Variants in DNAAF4 observed in about 807,000 individuals in gnomAD.
DNAAF4 encodes the protein dynein assembly factor 4, axonemal.
DNAAF4 carries 43 observed loss-of-function variants against 51.8 expected under a neutral mutation model. The ratio of observed to expected loss-of-function variants is 0.83; its 90% CI spans 0.65 to 1.07. The LOEUF (loss-of-function observed/expected upper bound fraction) is 1.07, where lower values mean the gene tolerates loss of function less well. Ranked by LOEUF, DNAAF4 falls within the 50% of genes least tolerant of loss-of-function variation. The probability of loss-of-function intolerance (pLI) is 0.00; values close to 1 mark genes in which losing one functional copy is unlikely to be tolerated. For missense variants in DNAAF4, 581 were observed against 493.0 expected (o/e 1.18, Z -1.69); for synonymous variants, 194 against 165.6 (o/e 1.17, Z -1.32).
At chr15:55,419,533 C>T (rs1046275339) in intron 7 of DNAAF4, among the ~76,000 whole-genome samples, 1 of 152,090 alleles carries the variant, frequency 6.6e-6, no homozygotes, top group African/African-American at 2.4e-5. Context: ...CCACACTGCC[C>T]AGCCAATTTC....
chr15:55,477,632 G>A (rs1044395998), intron 4 of DNAAF4, among the ~76,000 whole-genome samples: 5 of 142,888 alleles, frequency 3.5e-5, no homozygotes, highest in Non-Finnish European at 6.0e-5. Flanking sequence ...ATATATGTAA[G>A]TATGTATGTA....
rs2057474649 is a variant in DNAAF4, at chr15:55,430,397, C to T, written c.*273G>A. 1 of 1,002,462 alleles carries T rather than the reference C, an allele frequency of 1.0e-6. No homozygotes were observed. Among genetic ancestry groups the T allele is most frequent in the Non-Finnish European group, 1.2e-6 (1 of 840,130 alleles). The allele number at this position is 1,002,462 out of a possible 1,614,324, so 62.1% of individuals were successfully genotyped here. On this transcript the variant is annotated 3_prime_UTR_variant, in exon 10 of 10. Coordinates refer to ENST00000321149, the MANE Select transcript of DNAAF4 (RefSeq NM_130810.4). Reference sequence around the variant, plus strand: ...AACTATACCAAAACATATTTTGTTACAAGGGCAAGCTTAATTCAGTAACAC... The same window carrying T: ...AACTATACCAAAACATATTTTGTTATAAGGGCAAGCTTAATTCAGTAACAC...
At chr15:55,431,232 A>G (rs1020583920) in intron 9 of DNAAF4, among the ~76,000 whole-genome samples, 1 of 151,968 alleles carries the variant, frequency 6.6e-6, no homozygotes, top group Non-Finnish European at 1.5e-5. Flanking sequence ...ATCTAAAATA[A>G]AATAAAATAA....
chr15:55,493,434 C>T (rs2058600165), intron 3 of DNAAF4, among the ~76,000 whole-genome samples: 1 of 152,184 alleles, frequency 6.6e-6, no homozygotes, highest in Non-Finnish European at 1.5e-5. Context: ...CTCTTCTCAT[C>T]TCTCCTGCTG....
At chr15:55,507,043 G>A (rs1567040092) in intron 1 of DNAAF4, among the ~76,000 whole-genome samples, 1 of 151,926 alleles carries the variant, frequency 6.6e-6, no homozygotes, top group Non-Finnish European at 1.5e-5. Flanking sequence ...TAGAGGTGGG[G>A]TTTCACCATG....
intron 4 of DNAAF4, among the ~76,000 whole-genome samples, chr15:55,476,829 G>T (rs1376459058): frequency 6.6e-6 from 1 of 152,180 alleles, no homozygotes; most frequent in Non-Finnish European, 1.5e-5. Flanking sequence ...ATAGAGAATA[G>T]AGAGTTATTG....
Position 55,439,672 on chromosome 15 carries a change from GA to G in DNAAF4, c.784-92del, listed in dbSNP as rs1411589444. On this transcript the variant is annotated intron_variant, in intron 6 of 9. Coordinates refer to ENST00000321149, the MANE Select transcript of DNAAF4 (RefSeq NM_130810.4). ...ATTTTCCATCTTCCTCCAGTGGATT[GA>G]AATATTATTTGCTATGCACTGAGTG... is the stretch of plus-strand genomic sequence containing the variant. 1.9e-5 allele frequency: 22 copies of G among 1,145,204 alleles called. 1 individual carries two copies. Among genetic ancestry groups the G allele is most frequent in the Non-Finnish European group, 2.5e-5 (20 of 803,098 alleles). The allele number at this position is 1,145,204 out of a possible 1,614,324, so 70.9% of individuals were successfully genotyped here.
intron 7 of DNAAF4, among the ~76,000 whole-genome samples, chr15:55,420,461 G>T (rs1230933214): frequency 6.6e-6 from 1 of 151,916 alleles, no homozygotes; most frequent in Non-Finnish European, 1.5e-5. Context: ...TTCAGTTCAG[G>T]ATATTACCAT....
chr15:55,420,083 A>T (rs1388237984), intron 7 of DNAAF4, among the ~76,000 whole-genome samples: 1 of 152,220 alleles, frequency 6.6e-6, no homozygotes, highest in Non-Finnish European at 1.5e-5. Context: ...AATGTAAAGT[A>T]GGCAGTATGC....
chr15:55,430,218 C>T (rs2057473140), downstream of DNAAF4: 3 of 237,622 alleles, frequency 1.3e-5, no homozygotes, highest in Non-Finnish European at 1.4e-5. Flanking sequence ...AGGTTCTGTG[C>T]AGTTGGAAAC....
chr15:55,459,237 T>C (rs2058061290), intron 5 of DNAAF4, among the ~76,000 whole-genome samples: 3 of 151,898 alleles, frequency 2.0e-5, no homozygotes, highest in Admixed American at 1.3e-4. Context: ...CCGCTAAGAG[T>C]TTTGTATCCA....
chr15:55,430,999 T>C (rs1340503148), intron 9 of DNAAF4, among the ~76,000 whole-genome samples: 1 of 152,044 alleles, frequency 6.6e-6, no homozygotes, highest in Non-Finnish European at 1.5e-5. Flanking sequence ...CTGCAAGCTC[T>C]GCCTCCTGGG....
chr15:55,443,227 A>T, intron 6 of DNAAF4: 1 of 1,608,620 alleles, frequency 6.2e-7, no homozygotes, highest in Non-Finnish European at 8.5e-7. Flanking sequence ...ATAGTCCTTA[A>T]GAATGACTTC....
Position 55,435,472 on chromosome 15 carries a change from G to A in DNAAF4, c.894-414C>T, listed in dbSNP as rs191386181. Among the ~76,000 whole-genome samples, 375 of 152,216 alleles carry A rather than the reference G, an allele frequency of 2.5e-3. 2 individuals carry two copies. Among genetic ancestry groups the A allele is most frequent in the Non-Finnish European group, 4.5e-3 (309 of 68,008 alleles). Reference sequence around the variant, plus strand: ...CACATAGCCCACATTGTTGCTGACCGTTTTTAAGACCGTGGGAAGAGCTGG... The same window carrying A: ...CACATAGCCCACATTGTTGCTGACCATTTTTAAGACCGTGGGAAGAGCTGG... On this transcript the variant is annotated intron_variant, in intron 7 of 9. Transcript: ENST00000321149.
intron 4 of DNAAF4, among the ~76,000 whole-genome samples, chr15:55,475,126 G>A (rs2058319232): frequency 6.6e-6 from 1 of 152,214 alleles, no homozygotes; most frequent in African/African-American, 2.4e-5. Flanking sequence ...GTATGTTGAT[G>A]CGCTGCAAAT....
chr15:55,463,625 C>T (rs887582786), intron 5 of DNAAF4, among the ~76,000 whole-genome samples: 1 of 152,092 alleles, frequency 6.6e-6, no homozygotes, highest in South Asian at 2.1e-4. Flanking sequence ...AAATCAGTAG[C>T]ACTACTATAC....
chr15:55,453,470 G>T (rs2057967771), intron 5 of DNAAF4, among the ~76,000 whole-genome samples: 1 of 149,274 alleles, frequency 6.7e-6, no homozygotes. Context: ...CTTAAAGCCA[G>T]TAAAGACAGG....
Position 55,430,339 on chromosome 15 carries a change from C to T in DNAAF4, c.*331G>A. ...ATAAATCTTTTATTTTAAAATTCTA[C>T]CTTGTTAAAAATTAATCAGTAAGTG... On this transcript the variant is annotated 3_prime_UTR_variant, in exon 10 of 10. Coordinates refer to ENST00000321149, the MANE Select transcript of DNAAF4 (RefSeq NM_130810.4). 1.1e-6 allele frequency: 1 copy of T among 950,262 alleles called. No individual in the cohort carries two copies. Among genetic ancestry groups the T allele is most frequent in the South Asian group, 4.8e-5 (1 of 20,644 alleles). 58.9% of individuals were successfully genotyped at this position (950,262 alleles called of 1,614,324 possible). A position where few individuals can be genotyped will look rare whatever the true frequency, so the allele number is the denominator to read the frequency against.
intron 5 of DNAAF4, among the ~76,000 whole-genome samples, chr15:55,454,473 G>A (rs2057987522): frequency 6.6e-6 from 1 of 151,744 alleles, no homozygotes; most frequent in South Asian, 2.1e-4. Context: ...TGCCTCCCGG[G>A]TTCAAGCAAT....
Sources: allele counts gnomAD v4.1 joint callset (sites outside exome capture counted in the v4.1 genomes callset), GRCh38; gene constraint gnomAD v4.1.1; transcripts MANE v1.5; gene names NCBI Gene and HGNC (gene_info 2026-07-23, HGNC 2026-07-21).